ROBO1: variants seen among roughly 807,000 people sequenced by gnomAD.
The protein encoded by ROBO1 is roundabout guidance receptor 1, also known as roundabout homolog 1.
ROBO1 carries 149 observed loss-of-function variants against 195.9 expected under a neutral mutation model. The ratio of observed to expected loss-of-function variants is 0.76; its 90% CI spans 0.67 to 0.87. The LOEUF (loss-of-function observed/expected upper bound fraction) is 0.87, where lower values mean the gene tolerates loss of function less well. Ranked by LOEUF, ROBO1 falls within the 40% of genes least tolerant of loss-of-function variation. ROBO1 has a pLI of 0.00. For missense variants in ROBO1, 1,933 were observed against 2,068.3 expected, an observed-to-expected ratio of 0.93 and a Z score of 1.27; for synonymous variants, 816 against 733.2, an observed-to-expected ratio of 1.11 and a Z score of -1.82.
At chr3:79,052,278 C>T (rs1208862037) in intron 3 of ROBO1, among the ~76,000 whole-genome samples, 1 of 152,056 alleles carries the variant, frequency 6.6e-6, no homozygotes, top group East Asian at 1.9e-4. Context: ...GCCCTCGTCT[C>T]CTGCAGCACC....
chr3:79,369,095 C>G (rs575446752), intron 2 of ROBO1, among the ~76,000 whole-genome samples: 1 of 152,168 alleles, frequency 6.6e-6, no homozygotes, highest in African/African-American at 2.4e-5. Context: ...ATGGGGCAAT[C>G]TAAATAGTGG....
intron 2 of ROBO1, among the ~76,000 whole-genome samples, chr3:79,556,409 A>G (rs1942700441): frequency 2.0e-5 from 3 of 152,128 alleles, no homozygotes; most frequent in African/African-American, 7.2e-5. Flanking sequence ...AACAGCATGA[A>G]GTATGTACTG....
intron 2 of ROBO1, among the ~76,000 whole-genome samples, chr3:79,481,126 A>C (rs903518808): frequency 6.6e-6 from 1 of 152,164 alleles, no homozygotes; most frequent in Non-Finnish European, 1.5e-5. Context: ...GTGAAGCCTG[A>C]ATAATGAAAT....
chr3:78,609,083 A>C (rs745462494), intron 28 of ROBO1, among the ~76,000 whole-genome samples: 1 of 152,216 alleles, frequency 6.6e-6, no homozygotes, highest in Non-Finnish European at 1.5e-5. Context: ...ATGTCTTTAG[A>C]AATGGTAACG....
chr3:79,290,740 A>T (rs2032195028), intron 2 of ROBO1, among the ~76,000 whole-genome samples: 1 of 152,280 alleles, frequency 6.6e-6, no homozygotes, highest in South Asian at 2.1e-4. Flanking sequence ...GGGATTGAGA[A>T]CTATGGTCCA....
At chr3:78,640,557 AAC>A (rs1348221462) in intron 21 of ROBO1, among the ~76,000 whole-genome samples, 2 of 152,198 alleles carry the variant, frequency 1.3e-5, no homozygotes, top group Non-Finnish European at 2.9e-5. Flanking sequence ...AATCTGATAA[AAC>A]AGAGATGTCC....
At chr3:79,203,161 T>C (rs2081800272) in intron 2 of ROBO1, among the ~76,000 whole-genome samples, 1 of 152,184 alleles carries the variant, frequency 6.6e-6, no homozygotes, top group South Asian at 2.1e-4. Flanking sequence ...ATGCAGCAGC[T>C]ACAAGGACAA....
At chr3:79,534,875 G>A (rs1405389883) in intron 2 of ROBO1, among the ~76,000 whole-genome samples, 10 of 152,054 alleles carry the variant, frequency 6.6e-5, no homozygotes, top group African/African-American at 1.4e-4. Flanking sequence ...TTCTCCCTGC[G>A]TTTGACTTCT....
chr3:78,661,518 ATCTTTTGATAAAAATT>A (rs1027162047), intron 15 of ROBO1, among the ~76,000 whole-genome samples: 1 of 152,208 alleles, frequency 6.6e-6, no homozygotes, highest in African/African-American at 2.4e-5. Context: ...AAATTCCACT[ATCTTTTGATAAAAATT>A]TCGGTGGCAT....
rs188187936 is a variant in ROBO1, at chr3:78,945,039, G to A, written c.173-6112C>T. ...TACCGGGAAGCTCAAACTGGGTGAA[G>A]CCCACCACAGCTCAAGGAGGCCTGC... On this transcript the variant is annotated intron_variant, in intron 3 of 30. Transcript: ENST00000464233. Among the ~76,000 whole-genome samples, 29 of 152,312 alleles carry A rather than the reference G, an allele frequency of 1.9e-4. No individual in the cohort carries two copies. The East Asian group carries it at 5.2e-3, about 27-fold the overall frequency.
In ROBO1 at chr3:78,913,397, T is replaced by C. The variant is rs145634064; in HGVS notation, c.499+25204A>G. 6.1e-3 allele frequency among the ~76,000 whole-genome samples: 935 copies of C among 152,238 alleles called. 7 individuals carry two copies. Among genetic ancestry groups the C allele is most frequent in the African/African-American group, 0.021 (890 of 41,560 alleles). On this transcript the variant is annotated intron_variant, in intron 4 of 30. Transcript: ENST00000464233. The stretch of plus-strand genomic sequence containing the variant: ...AACAAGAGATTTACCAGTGCCTCTT[T>C]TGCTTAGTTTTCAATTTTTAAAATG...
At chr3:78,989,973 C>A (rs562955950) in intron 3 of ROBO1, among the ~76,000 whole-genome samples, 1 of 151,818 alleles carries the variant, frequency 6.6e-6, no homozygotes, top group Admixed American at 6.6e-5. Flanking sequence ...GTCCATAATG[C>A]GTATAAAAAC....
At chr3:79,134,008 A>G (rs1045935328) in intron 2 of ROBO1, among the ~76,000 whole-genome samples, 1 of 151,642 alleles carries the variant, frequency 6.6e-6, no homozygotes, top group Non-Finnish European at 1.5e-5. Context: ...CACCAAAAGC[A>G]ATGGCAACAA....
At chr3:79,434,011 AT>A (rs1337525232) in intron 2 of ROBO1, among the ~76,000 whole-genome samples, 2 of 152,222 alleles carry the variant, frequency 1.3e-5, no homozygotes, top group African/African-American at 4.8e-5. Context: ...CTGGCTAGCC[AT>A]ATGTAGAAAG....
At chr3:79,023,603 G>A (rs559203678) in intron 3 of ROBO1, among the ~76,000 whole-genome samples, 1 of 151,578 alleles carries the variant, frequency 6.6e-6, no homozygotes, top group African/African-American at 2.4e-5. Flanking sequence ...AAAATCACAG[G>A]GAGGAGAAAT....
chr3:78,991,411 G>T (rs2108059435), intron 3 of ROBO1, among the ~76,000 whole-genome samples: 1 of 152,276 alleles, frequency 6.6e-6, no homozygotes, highest in East Asian at 1.9e-4. Flanking sequence ...TGTGAAAAAG[G>T]AACTGAAGAC....
intron 2 of ROBO1, among the ~76,000 whole-genome samples, chr3:79,586,327 T>A (rs1425180934): frequency 1.3e-5 from 2 of 151,958 alleles, no homozygotes; most frequent in African/African-American, 2.4e-5. Context: ...TCTTTTCAGT[T>A]ATCTTTTGTG....
At chr3:79,377,036 T>G (rs1385160711) in intron 2 of ROBO1, among the ~76,000 whole-genome samples, 1 of 139,670 alleles carries the variant, frequency 7.2e-6, no homozygotes, top group Non-Finnish European at 1.6e-5. Flanking sequence ...AGCAGAGCTC[T>G]GAAACAGTAA....
At chr3:79,459,271 CAATT>C (rs922552017) in intron 2 of ROBO1, among the ~76,000 whole-genome samples, 6 of 152,202 alleles carry the variant, frequency 3.9e-5, no homozygotes, top group East Asian at 1.9e-4. Flanking sequence ...TGTAATCAAT[CAATT>C]GATAGGTATC....
Sources: allele counts gnomAD v4.1 joint callset (sites outside exome capture counted in the v4.1 genomes callset), GRCh38; gene constraint gnomAD v4.1.1; transcripts MANE v1.5; gene names NCBI Gene and HGNC (gene_info 2026-07-23, HGNC 2026-07-21).